TNFSF4: variants seen among roughly 807,000 people sequenced by gnomAD.
TNFSF4 encodes the protein TNF superfamily member 4, also known as tumor necrosis factor ligand superfamily member 4.
A neutral mutation model predicts 7.3 loss-of-function variants in TNFSF4; 4 were observed. The observed-to-expected ratio is 0.55, with a 90% CI of 0.27 to 1.25. The LOEUF (loss-of-function observed/expected upper bound fraction) is 1.25, where lower values mean the gene tolerates loss of function less well. Among genes scored for constraint, TNFSF4 ranks in the 50% most tolerant of loss-of-function variants. TNFSF4 has a pLI of 0.12. For missense variants in TNFSF4, 181 were observed against 208.8 expected, an observed-to-expected ratio of 0.87 and a Z score of 0.82; for synonymous variants, 76 against 83.7, an observed-to-expected ratio of 0.91 and a Z score of 0.50.
At chr1:173,371,209 C>A in the TNFSF4 span, among the ~76,000 whole-genome samples, 106 of 152,310 alleles carry the variant, frequency 7.0e-4, no homozygotes, top group Non-Finnish European at 5.9e-5. Flanking sequence ...GTCCTCAAGG[C>A]CCGTTACCAT....
At chr1:173,265,167 A>G in the TNFSF4 span, among the ~76,000 whole-genome samples, 10 of 152,350 alleles carry the variant, frequency 6.6e-5, no homozygotes, top group Non-Finnish European at 1.2e-4. Context: ...AAGATTCAAG[A>G]TGAGTGAGAG....
the TNFSF4 span, among the ~76,000 whole-genome samples, chr1:173,285,159 A>G: frequency 6.6e-6 from 1 of 152,168 alleles, no homozygotes; most frequent in African/African-American, 2.4e-5. Context: ...AACCCTCATG[A>G]ATGACTGTGA....
At chr1:173,362,996 GA>G in the TNFSF4 span, 2 of 353,700 alleles carry the variant, frequency 5.7e-6, no homozygotes, top group South Asian at 3.0e-5. Flanking sequence ...CTTGCACTGG[GA>G]AAATGCGGAC....
the TNFSF4 span, among the ~76,000 whole-genome samples, chr1:173,384,359 C>A: frequency 6.6e-6 from 1 of 152,162 alleles, no homozygotes; most frequent in Non-Finnish European, 1.5e-5. Flanking sequence ...GTCAGCCCCA[C>A]TGGGAATAAA....
At chr1:173,225,583 T>C in the TNFSF4 span, among the ~76,000 whole-genome samples, 1 of 152,220 alleles carries the variant, frequency 6.6e-6, no homozygotes, top group African/African-American at 2.4e-5. Context: ...GTACCTGGCA[T>C]ATGTCGGTGT....
At chr1:173,300,546 C>T in the TNFSF4 span, among the ~76,000 whole-genome samples, 3 of 151,886 alleles carry the variant, frequency 2.0e-5, no homozygotes, top group African/African-American at 7.2e-5. Flanking sequence ...GCCACTATCT[C>T]ACTGCCCAAA....
At chr1:173,299,814 G>A in the TNFSF4 span, among the ~76,000 whole-genome samples, 2 of 151,794 alleles carry the variant, frequency 1.3e-5, no homozygotes, top group Non-Finnish European at 2.9e-5. Flanking sequence ...TGTAAAGTTG[G>A]GAGGGGGAAC....
At chr1:173,256,114 A>G in the TNFSF4 span, among the ~76,000 whole-genome samples, 2 of 152,250 alleles carry the variant, frequency 1.3e-5, no homozygotes, top group Non-Finnish European at 2.9e-5. Flanking sequence ...CCATAAACAT[A>G]TCAATGAAGA....
the TNFSF4 span, among the ~76,000 whole-genome samples, chr1:173,392,372 CAAAAAGGG>C: frequency 6.6e-6 from 1 of 151,928 alleles, no homozygotes; most frequent in African/African-American, 2.4e-5. Context: ...ACCCAGAAAA[CAAAAAGGG>C]AAAAAATGAT....
At chr1:173,376,209 A>T in the TNFSF4 span, among the ~76,000 whole-genome samples, 3,297 of 152,302 alleles carry the variant, frequency 0.022, 268 homozygotes, top group Admixed American at 0.15. Context: ...AATGCCCATC[A>T]ATGATAGAAT....
the TNFSF4 span, among the ~76,000 whole-genome samples, chr1:173,368,954 T>C: frequency 7.9e-5 from 12 of 152,278 alleles, no homozygotes; most frequent in African/African-American, 1.2e-4. Context: ...TGTTCCCTTC[T>C]TTAGGCACCC....
chr1:173,418,638 A>AT, the TNFSF4 span: 1 of 152,162 alleles, frequency 6.6e-6, no homozygotes, highest in African/African-American at 2.4e-5. Context: ...AAAAAAAAAA[A>AT]AATTAACAAC....
chr1:173,203,120 A>G (rs1476150168), intron 1 of TNFSF4, among the ~76,000 whole-genome samples: 1 of 152,216 alleles, frequency 6.6e-6, no homozygotes. Context: ...TAAACACTCA[A>G]TGGAAAAAAA....
chr1:173,350,571 C>A, the TNFSF4 span, among the ~76,000 whole-genome samples: 1 of 152,152 alleles, frequency 6.6e-6, no homozygotes, highest in South Asian at 2.1e-4. Flanking sequence ...GGAACACCAC[C>A]AAAATAGTAA....
the TNFSF4 span, among the ~76,000 whole-genome samples, chr1:173,384,773 T>G: frequency 5.9e-5 from 9 of 152,386 alleles, no homozygotes; most frequent in African/African-American, 1.9e-4. Flanking sequence ...GGGCTGCACA[T>G]GTCATGTCAC....
In TNFSF4 at chr1:173,194,426, A is replaced by G. The variant is rs943307694; in HGVS notation, c.154-5857T>C. ...AATACCTACAGGCAATGTAAGTCAT[A>G]ACATTTCAAAGAACAGAAAAATCAC... On this transcript the variant is annotated intron_variant, in intron 1 of 2. Transcript: ENST00000281834. Among the ~76,000 whole-genome samples, 2 of 152,236 alleles carry G rather than the reference A, an allele frequency of 1.3e-5. 1 individual carries two copies. The highest frequency in any genetic ancestry group is 1.3e-4 in the Admixed American group (2 of 15,290).
the TNFSF4 span, among the ~76,000 whole-genome samples, chr1:173,328,067 C>T: frequency 5.3e-4 from 80 of 152,110 alleles, no homozygotes; most frequent in African/African-American, 1.8e-3. Flanking sequence ...ATGGTTATTG[C>T]GGCACTATTC....
chr1:173,308,285 C>CTGTGTGTGTG, the TNFSF4 span, among the ~76,000 whole-genome samples: 5 of 135,124 alleles, frequency 3.7e-5, no homozygotes, highest in East Asian at 2.1e-4. Context: ...CTCTCTCTCT[C>CTGTGTGTGTG]TGTGTGTGTG....
the TNFSF4 span, among the ~76,000 whole-genome samples, chr1:173,312,342 T>G: frequency 6.6e-6 from 1 of 152,136 alleles, no homozygotes; most frequent in Middle Eastern, 3.2e-3. Flanking sequence ...TATGAATTTT[T>G]ACTCATACAA....
Sources: allele counts gnomAD v4.1 joint callset (sites outside exome capture counted in the v4.1 genomes callset), GRCh38; gene constraint gnomAD v4.1.1; transcripts MANE v1.5; gene names NCBI Gene and HGNC (gene_info 2026-07-23, HGNC 2026-07-21).